MRPL22: variants seen among roughly 807,000 people sequenced by gnomAD.
The protein encoded by MRPL22 is mitochondrial ribosomal protein L22.
MRPL22 carries 27 observed loss-of-function variants against 32.4 expected under a neutral mutation model. The ratio of observed to expected loss-of-function variants is 0.83; its 90% CI spans 0.61 to 1.15. The LOEUF (loss-of-function observed/expected upper bound fraction) is 1.15. Ranked by LOEUF, MRPL22 falls within the 50% of genes most tolerant of loss-of-function variation. MRPL22 has a pLI of 0.00. For synonymous variants in MRPL22, 86 were observed against 87.3 expected (o/e 0.99, Z 0.08); for missense variants, 239 against 260.2 (o/e 0.92, Z 0.56).
intron 2 of MRPL22, among the ~76,000 whole-genome samples, chr5:154,948,155 C>T (rs547326630): frequency 1.5e-4 from 23 of 152,230 alleles, no homozygotes; most frequent in African/African-American, 4.8e-4. Flanking sequence ...TCCATGTATC[C>T]GTCACCCAAC....
chr5:154,962,601 C>T (rs1411345992), intron 6 of MRPL22, among the ~76,000 whole-genome samples: 1 of 152,146 alleles, frequency 6.6e-6, no homozygotes. Context: ...TATGGTAACT[C>T]TTTCAAATGC....
chr5:154,942,101 A>C (rs577810110), intron 2 of MRPL22, among the ~76,000 whole-genome samples: 1 of 152,098 alleles, frequency 6.6e-6, no homozygotes, highest in Non-Finnish European at 1.5e-5. Flanking sequence ...GATTTAAAAA[A>C]TTTTTTAATT....
intron 3 of MRPL22, 27 bp downstream of exon 3, chr5:154,950,965 T>G: frequency 1.4e-6 from 2 of 1,401,152 alleles, no homozygotes; most frequent in Non-Finnish European, 2.0e-6. Flanking sequence ...AACTAATCTC[T>G]TAATTGTGGT....
At chr5:154,941,163 G>A (rs756843789) in intron 1 of MRPL22, 25 bp downstream of exon 1, 15 of 1,614,104 alleles carry the variant, frequency 9.3e-6, no homozygotes, top group Non-Finnish European at 1.3e-5. Flanking sequence ...GTGGTTAAGC[G>A]ACAGAAGGGA....
chr5:154,957,258 A>G, intron 5 of MRPL22, 46 bp downstream of exon 5: 11 of 1,484,430 alleles, frequency 7.4e-6, no homozygotes, highest in Non-Finnish European at 1.0e-5. Flanking sequence ...GAACTGGGGA[A>G]TGCAGCTGTC....
At position 154,968,796 on chromosome 5, in the gene MRPL22, T is replaced by C. The variant is rs1764807623; in HGVS notation, c.*1899T>C. On this transcript the variant is annotated 3_prime_UTR_variant, in exon 7 of 7. Coordinates refer to ENST00000523037, the MANE Select transcript of MRPL22 (RefSeq NM_014180.4). ...TGAAGGCACTGCTTCAGTCAGGCTG[T>C]AAAAGCTATTTTGAAAGTGGTAAGG... The C allele has an allele frequency of 6.6e-6, 1 of 152,204 alleles. No homozygotes were observed. Among genetic ancestry groups the C allele is most frequent in the African/African-American group, 2.4e-5 (1 of 41,448 alleles). The allele number at this position is 152,204 out of a possible 1,614,324, so 9.4% of individuals were successfully genotyped here.
At chr5:154,953,641 C>T (rs955334412) in intron 3 of MRPL22, among the ~76,000 whole-genome samples, 1 of 150,698 alleles carries the variant, frequency 6.6e-6, no homozygotes, top group African/African-American at 2.4e-5. Context: ...GATAATAATA[C>T]CTTAATGTGA....
chr5:154,960,012 A>C lies in MRPL22; in HGVS notation c.372A>C (p.Arg124Ser). The C allele has an allele frequency of 6.2e-7, 1 of 1,612,576 alleles. No individual in the cohort carries two copies. Among genetic ancestry groups the C allele is most frequent in the Non-Finnish European group, 8.5e-7 (1 of 1,179,082 alleles). Residue 124 changes from arginine (R) to serine (S), a missense_variant, in exon 6 of 7, where the codon AGA (arginine) becomes AGC (serine). Transcript: ENST00000523037. ...TAGAAGCACAAGATATGGCAGTGAG[A>C]GACCATAACGTGGAATTCAGGTCCA... ...VLLEAQDMAVRDHNVEFRSNL... is the reference protein window; with the variant it reads ...VLLEAQDMAVSDHNVEFRSNL...
intron 2 of MRPL22, among the ~76,000 whole-genome samples, chr5:154,946,549 C>T (rs1479147509): frequency 1.8e-4 from 27 of 151,246 alleles, no homozygotes; most frequent in Admixed American, 1.8e-3. Flanking sequence ...TGTGGTGGCT[C>T]ACACCTGTAA....
At chr5:154,956,604 C>T (rs1403513549) in intron 4 of MRPL22, 168 bp downstream of exon 4, 1 of 567,164 alleles carries the variant, frequency 1.8e-6, no homozygotes, top group Non-Finnish European at 3.1e-6. Flanking sequence ...TATGATTTTC[C>T]TTAATTTTCA....
chr5:154,952,547 C>T (rs1416800845), intron 3 of MRPL22, among the ~76,000 whole-genome samples: 2 of 152,094 alleles, frequency 1.3e-5, no homozygotes, highest in African/African-American at 4.8e-5. Flanking sequence ...GATTTTGTTT[C>T]AGTAATCCTT....
At position 154,966,822 on chromosome 5, in the gene MRPL22, A is replaced by G; in HGVS notation, c.546A>G (p.Pro182=). 6.2e-7 allele frequency: 1 copy of G among 1,614,182 alleles called. No homozygotes were observed. Residue 182 remains proline, a synonymous_variant, in exon 7 of 7, where the codon CCA becomes CCG. Transcript: ENST00000523037. ...LVEGPPPPPE[P]PKTAVAHAKE... Reference sequence around the variant, plus strand: ...AAGGGCCCCCACCTCCACCTGAGCCACCAAAGACGGCAGTTGCCCATGCCA... The same window carrying G: ...AAGGGCCCCCACCTCCACCTGAGCCGCCAAAGACGGCAGTTGCCCATGCCA...
intron 2 of MRPL22, among the ~76,000 whole-genome samples, chr5:154,946,013 T>A (rs950275595): frequency 2.6e-5 from 4 of 152,228 alleles, no homozygotes; most frequent in Non-Finnish European, 5.9e-5. Context: ...ATGAATTATT[T>A]GAGTCCTGAA....
intron 3 of MRPL22, among the ~76,000 whole-genome samples, chr5:154,953,338 A>T (rs1764587979): frequency 7.4e-6 from 1 of 135,286 alleles, no homozygotes; most frequent in Admixed American, 8.3e-5. Flanking sequence ...AGCCTGGGTG[A>T]CAGAGCGAGA....
intron 2 of MRPL22, among the ~76,000 whole-genome samples, chr5:154,949,415 A>G (rs986566445): frequency 1.3e-5 from 2 of 152,234 alleles, no homozygotes; most frequent in African/African-American, 4.8e-5. Flanking sequence ...TGACATGAGT[A>G]GCTCTGAATT....
chr5:154,944,294 A>G (rs1764460032), intron 2 of MRPL22, among the ~76,000 whole-genome samples: 1 of 151,982 alleles, frequency 6.6e-6, no homozygotes, highest in African/African-American at 2.4e-5. Flanking sequence ...GAGTCTCACT[A>G]TGTTGTACAG....
chr5:154,959,849 T>C (rs1005375108), intron 5 of MRPL22, 131 bp from the exon 6 acceptor site: 10 of 639,522 alleles, frequency 1.6e-5, no homozygotes, highest in African/African-American at 1.3e-4. Context: ...TCATTTGATA[T>C]TGTCTTTTTA....
At chr5:154,956,554 A>G in intron 4 of MRPL22, 118 bp downstream of exon 4, 1 of 670,958 alleles carries the variant, frequency 1.5e-6, no homozygotes, top group African/African-American at 1.9e-5. Flanking sequence ...GGAATGTGAT[A>G]TAATTGGTAG....
chr5:154,948,951 A>C (rs1161231630), intron 2 of MRPL22, among the ~76,000 whole-genome samples: 2 of 152,124 alleles, frequency 1.3e-5, no homozygotes, highest in African/African-American at 4.8e-5. Flanking sequence ...AACCCACTAC[A>C]ATTATTGTCC....
Sources: allele counts gnomAD v4.1 joint callset (sites outside exome capture counted in the v4.1 genomes callset), GRCh38; gene constraint gnomAD v4.1.1; transcripts MANE v1.5; gene names NCBI Gene and HGNC (gene_info 2026-07-23, HGNC 2026-07-21).